Variants in RAVER2 observed in about 807,000 individuals in gnomAD.
The protein encoded by RAVER2 is ribonucleoprotein PTB-binding 2.
A neutral mutation model predicts 78.1 loss-of-function variants in RAVER2; 46 were observed. The observed-to-expected ratio is 0.59, with a 90% CI of 0.46 to 0.75. The LOEUF (loss-of-function observed/expected upper bound fraction) is 0.75. RAVER2 is among the 30% of genes least tolerant of loss of function. RAVER2 has a pLI of 0.00. For missense variants in RAVER2, 793 were observed against 837.5 expected (o/e 0.95, Z 0.66); for synonymous variants, 311 against 313.3 (o/e 0.99, Z 0.08).
chr1:64,814,589 T>C, intron 10 of RAVER2, 115 bp from the exon 11 acceptor site: 4 of 591,366 alleles, frequency 6.8e-6, no homozygotes, highest in Non-Finnish European at 9.0e-6. Flanking sequence ...TATAATAAAA[T>C]ATAATTTGTT....
chr1:64,825,767 T>C (rs1481290131), intron 11 of RAVER2, among the ~76,000 whole-genome samples: 1 of 152,228 alleles, frequency 6.6e-6, no homozygotes, highest in Non-Finnish European at 1.5e-5. Flanking sequence ...TACATTCACT[T>C]GGAAATCAAT....
intron 1 of RAVER2, among the ~76,000 whole-genome samples, chr1:64,746,452 G>A (rs1346966913): frequency 3.9e-5 from 6 of 152,204 alleles, no homozygotes; most frequent in Admixed American, 1.3e-4. Flanking sequence ...GGTAGTTGCG[G>A]ATTTGTAGTT....
chr1:64,831,393 C>T (rs2100909656), exon 12 of RAVER2: 1 of 153,994 alleles, frequency 6.5e-6, no homozygotes, highest in South Asian at 2.1e-4. Flanking sequence ...TTTACTTTCC[C>T]TAGAAGTAAT....
intron 2 of RAVER2, among the ~76,000 whole-genome samples, chr1:64,775,508 C>G (rs557959501): frequency 6.6e-6 from 1 of 152,234 alleles, no homozygotes; most frequent in Non-Finnish European, 1.5e-5. Context: ...GTGATTGCCC[C>G]CAGAGGAAGA....
At chr1:64,765,103 G>C (rs1317248747) in intron 1 of RAVER2, among the ~76,000 whole-genome samples, 1 of 152,140 alleles carries the variant, frequency 6.6e-6, no homozygotes, top group African/African-American at 2.4e-5. Flanking sequence ...ACTTAAGTCT[G>C]ATAACACCAA....
intron 1 of RAVER2, among the ~76,000 whole-genome samples, chr1:64,753,114 C>T (rs776091452): frequency 6.6e-6 from 1 of 152,216 alleles, no homozygotes; most frequent in Non-Finnish European, 1.5e-5. Flanking sequence ...AGTACAGTGG[C>T]ACAATCATGC....
At chr1:64,821,506 A>G (rs1653887350) in intron 11 of RAVER2, among the ~76,000 whole-genome samples, 1 of 152,174 alleles carries the variant, frequency 6.6e-6, no homozygotes, top group Non-Finnish European at 1.5e-5. Flanking sequence ...TAAAACCGCC[A>G]GTAAAATGTT....
chr1:64,814,862 A>T (rs1415596359), intron 11 of RAVER2, 22 bp downstream of exon 11: 2 of 1,516,828 alleles, frequency 1.3e-6, no homozygotes, highest in African/African-American at 2.8e-5. Flanking sequence ...CCAGGTTCTG[A>T]TGATACTCAG....
chr1:64,778,159 C>T (rs1271863537), intron 3 of RAVER2, 67 bp downstream of exon 3: 1 of 1,142,280 alleles, frequency 8.8e-7, no homozygotes, highest in African/African-American at 1.6e-5. Context: ...TCTACATACA[C>T]TCACAAATTT....
intron 1 of RAVER2, among the ~76,000 whole-genome samples, chr1:64,764,263 A>G (rs1347738279): frequency 1.3e-5 from 2 of 152,110 alleles, no homozygotes; most frequent in East Asian, 1.9e-4. Flanking sequence ...AAGTTGATAT[A>G]TGAGAGAGAC....
chr1:64,760,179 A>G (rs1651983402), intron 1 of RAVER2, among the ~76,000 whole-genome samples: 1 of 151,918 alleles, frequency 6.6e-6, no homozygotes, highest in Admixed American at 6.6e-5. Flanking sequence ...CTGGAGTCAC[A>G]TGGCCACAGC....
chr1:64,800,086 T>C (rs763159263), intron 5 of RAVER2, among the ~76,000 whole-genome samples: 8 of 151,998 alleles, frequency 5.3e-5, no homozygotes, highest in Non-Finnish European at 5.9e-5. Context: ...TCAGATCCTT[T>C]GCCCATTTTT....
Position 64,817,601 on chromosome 1 carries a change from T to C in RAVER2, c.1929+2761T>C, listed in dbSNP as rs937975665. The stretch of plus-strand genomic sequence containing the variant: ...AAAAAGGATGAGCTCATGTCCTTTA[T>C]AGGGACATGGACGAAGCTGGAAACC... On this transcript the variant is annotated intron_variant, in intron 11 of 11. Transcript: ENST00000294428. Among the ~76,000 whole-genome samples, 6 of 152,016 alleles carry C rather than the reference T, an allele frequency of 3.9e-5. No individual in the cohort carries two copies. The South Asian group carries it at 6.2e-4, about 16-fold the overall frequency.
intron 4 of RAVER2, among the ~76,000 whole-genome samples, chr1:64,783,080 G>A (rs552873485): frequency 4.4e-4 from 67 of 152,188 alleles, no homozygotes; most frequent in African/African-American, 8.9e-4. Flanking sequence ...TTATGGCTGC[G>A]TAGTATTCCA....
At chr1:64,810,716 T>C (rs1001840731) in intron 9 of RAVER2, among the ~76,000 whole-genome samples, 1 of 152,222 alleles carries the variant, frequency 6.6e-6, no homozygotes, top group Admixed American at 6.5e-5. Flanking sequence ...TGGTCATCTG[T>C]ATATTTTCTT....
chr1:64,830,115 AT>A (rs1654088638), intron 11 of RAVER2, among the ~76,000 whole-genome samples: 35 of 152,212 alleles, frequency 2.3e-4, no homozygotes, highest in Admixed American at 2.3e-3. Flanking sequence ...ATAATTCTGC[AT>A]TGATAAAAGC....
chr1:64,828,173 GC>G (rs1654043884), intron 11 of RAVER2, among the ~76,000 whole-genome samples: 1 of 52,116 alleles, frequency 1.9e-5, no homozygotes, highest in African/African-American at 8.5e-5. Context: ...CCCACCCCCC[GC>G]CCATTTTCCT....
At chr1:64,770,780 A>C (rs1652294384) in intron 2 of RAVER2, among the ~76,000 whole-genome samples, 1 of 152,046 alleles carries the variant, frequency 6.6e-6, no homozygotes, top group Non-Finnish European at 1.5e-5. Flanking sequence ...GGAGATGAAA[A>C]TTACAACATC....
chr1:64,817,548 A>G (rs1316144580), intron 11 of RAVER2, among the ~76,000 whole-genome samples: 2 of 152,284 alleles, frequency 1.3e-5, no homozygotes, highest in African/African-American at 2.4e-5. Context: ...TGCAGCACAT[A>G]TGCACCATGG....
Sources: gnomAD v4.1 joint callset for allele counts (sites outside exome capture counted in the v4.1 genomes callset) on GRCh38, gnomAD v4.1.1 for gene constraint, MANE v1.5 for transcripts, NCBI Gene and HGNC (gene_info 2026-07-23, HGNC 2026-07-21) for gene names.